Variants in COL23A1 observed in about 807,000 individuals in gnomAD.
COL23A1 encodes the protein collagen alpha-1(XXIII) chain.
COL23A1 carries 97 observed loss-of-function variants against 99.3 expected under a neutral mutation model. The ratio of observed to expected loss-of-function variants is 0.98; its 90% CI spans 0.83 to 1.16. The LOEUF is 1.16. Among genes scored for constraint, COL23A1 ranks in the 50% most tolerant of loss-of-function variants. COL23A1 has a pLI of 0.00. For missense variants in COL23A1, 762 were observed against 757.4 expected (o/e 1.01, Z -0.07); for synonymous variants, 320 against 308.2 (o/e 1.04, Z -0.40).
At chr5:178,479,489 T>C (rs1456277435) in intron 2 of COL23A1, among the ~76,000 whole-genome samples, 3 of 152,144 alleles carry the variant, frequency 2.0e-5, no homozygotes, top group African/African-American at 7.2e-5. Flanking sequence ...CCCCTCCAGG[T>C]GTCCACAGCT....
intron 2 of COL23A1, among the ~76,000 whole-genome samples, chr5:178,405,166 C>T (rs181999609): frequency 4.6e-5 from 7 of 152,328 alleles, no homozygotes; most frequent in African/African-American, 1.4e-4. Flanking sequence ...ATGCCCGCAG[C>T]GTGTCTGGTT....
intron 2 of COL23A1, among the ~76,000 whole-genome samples, chr5:178,345,709 T>C (rs997434335): frequency 1.3e-5 from 2 of 151,298 alleles, no homozygotes; most frequent in African/African-American, 4.9e-5. Flanking sequence ...TTTTTTTCAG[T>C]AGAGACAGGG....
chr5:178,296,468 A>T (rs907023271), intron 3 of COL23A1, among the ~76,000 whole-genome samples: 1 of 152,162 alleles, frequency 6.6e-6, no homozygotes, highest in Non-Finnish European at 1.5e-5. Flanking sequence ...GAGGTGAGAT[A>T]CGCACTTCAC....
chr5:178,431,067 C>T (rs1188836772), intron 2 of COL23A1, among the ~76,000 whole-genome samples: 3 of 152,046 alleles, frequency 2.0e-5, no homozygotes, highest in African/African-American at 7.2e-5. Flanking sequence ...GAGCCCCAGG[C>T]AGTAAGTGCG....
intron 2 of COL23A1, among the ~76,000 whole-genome samples, chr5:178,357,749 T>C (rs1761753011): frequency 6.7e-6 from 1 of 148,898 alleles, no homozygotes. Context: ...TGTACGTGTA[T>C]GTGTGTGTGT....
At chr5:178,257,130 T>C (rs186863721) in intron 13 of COL23A1, among the ~76,000 whole-genome samples, 19 of 152,252 alleles carry the variant, frequency 1.2e-4, no homozygotes, top group Admixed American at 1.2e-3. Flanking sequence ...CGCCACCTTC[T>C]GGTGTGGGCC....
At chr5:178,349,127 T>C (rs1473917062) in intron 2 of COL23A1, among the ~76,000 whole-genome samples, 2 of 152,192 alleles carry the variant, frequency 1.3e-5, no homozygotes, top group African/African-American at 4.8e-5. Context: ...ACTCGGATGA[T>C]TGATGCGGAG....
At chr5:178,562,736 T>TGGTGGTGG (rs1554197569) in intron 1 of COL23A1, 5 of 106,816 alleles carry the variant, frequency 4.7e-5, no homozygotes, top group African/African-American at 2.5e-4. Flanking sequence ...TGGCTGGTGG[T>TGGTGGTGG]GGGGGGGGTG....
chr5:178,414,958 G>A (rs970919850), intron 2 of COL23A1, among the ~76,000 whole-genome samples: 1 of 152,130 alleles, frequency 6.6e-6, no homozygotes, highest in Non-Finnish European at 1.5e-5. Flanking sequence ...TAACAAGGGG[G>A]TATGAAGTGG....
chr5:178,493,054 C>T (rs1206761245), intron 2 of COL23A1, among the ~76,000 whole-genome samples: 1 of 152,202 alleles, frequency 6.6e-6, no homozygotes, highest in Non-Finnish European at 1.5e-5. Context: ...GTCTCTCACC[C>T]TTTAAATAGA....
chr5:178,571,435 T>C (rs1477930697), intron 1 of COL23A1, among the ~76,000 whole-genome samples: 1 of 152,084 alleles, frequency 6.6e-6, no homozygotes, highest in African/African-American at 2.4e-5. Flanking sequence ...GCCTTGCTAG[T>C]AGGGAAGAAT....
intron 2 of COL23A1, among the ~76,000 whole-genome samples, chr5:178,520,030 A>G (rs773278664): frequency 6.6e-6 from 1 of 152,156 alleles, no homozygotes; most frequent in Non-Finnish European, 1.5e-5. Context: ...GGGTGAATGG[A>G]TGGTCAGATG....
At chr5:178,458,721 A>T (rs1581428145) in intron 2 of COL23A1, among the ~76,000 whole-genome samples, 1 of 152,332 alleles carries the variant, frequency 6.6e-6, no homozygotes, top group Non-Finnish European at 1.5e-5. Flanking sequence ...AAGGATCAAA[A>T]TACCATTATT....
intron 2 of COL23A1, among the ~76,000 whole-genome samples, chr5:178,552,452 A>G (rs1019951417): frequency 3.9e-5 from 6 of 152,200 alleles, no homozygotes; most frequent in African/African-American, 1.4e-4. Flanking sequence ...GCTGCCTTAT[A>G]GGCCACTCAA....
chr5:178,334,305 G>A (rs1760200243), intron 2 of COL23A1, among the ~76,000 whole-genome samples: 1 of 152,232 alleles, frequency 6.6e-6, no homozygotes, highest in Admixed American at 6.5e-5. Context: ...TCTGAGATCA[G>A]TCTCATGACG....
chr5:178,453,665 T>G (rs1452270407), intron 2 of COL23A1, among the ~76,000 whole-genome samples: 1 of 152,226 alleles, frequency 6.6e-6, no homozygotes, highest in Non-Finnish European at 1.5e-5. Context: ...CATTGGTTCC[T>G]TCAGTCAACC....
chr5:178,397,712 G>A (rs1414899900), intron 2 of COL23A1, among the ~76,000 whole-genome samples: 2 of 152,264 alleles, frequency 1.3e-5, no homozygotes, highest in Non-Finnish European at 2.9e-5. Flanking sequence ...ATTTCGGCTG[G>A]GTGCAGTGGC....
intron 1 of COL23A1, among the ~76,000 whole-genome samples, chr5:178,576,698 C>G (rs1470957808): frequency 1.3e-5 from 2 of 152,084 alleles, no homozygotes; most frequent in Non-Finnish European, 2.9e-5. Flanking sequence ...CTCCTCCCCA[C>G]GGCCGCGGTC....
intron 2 of COL23A1, among the ~76,000 whole-genome samples, chr5:178,554,970 G>A (rs1341321948): frequency 6.6e-6 from 1 of 152,156 alleles, no homozygotes; most frequent in Non-Finnish European, 1.5e-5. Flanking sequence ...GAAACGAGGT[G>A]CCCCTTAAAC....
Sources: gnomAD v4.1 joint callset for allele counts (sites outside exome capture counted in the v4.1 genomes callset) on GRCh38, gnomAD v4.1.1 for gene constraint, MANE v1.5 for transcripts, NCBI Gene and HGNC (gene_info 2026-07-23, HGNC 2026-07-21) for gene names.